ATP11B: variants seen among roughly 807,000 people sequenced by gnomAD.
ATP11B encodes the protein ATPase phospholipid transporting 11B (putative), also known as phospholipid-transporting ATPase IF.
In ATP11B, 81 loss-of-function variants were observed where a neutral mutation model predicts 157.8. That is an observed-to-expected ratio of 0.51 (90% CI 0.43 to 0.62). ATP11B has a LOEUF of 0.62. Among genes scored for constraint, ATP11B ranks in the 20% least tolerant of loss-of-function variants. The pLI is 0.00. For missense variants in ATP11B, 1,165 were observed against 1,402.2 expected (o/e 0.83, Z 2.70); for synonymous variants, 451 against 469.4 (o/e 0.96, Z 0.51).
At chr3:182,914,138 G>A in intron 29 of ATP11B, 144 bp downstream of exon 29, 1 of 1,471,030 alleles carries the variant, frequency 6.8e-7, no homozygotes, top group Non-Finnish European at 8.9e-7. Context: ...GCACTCTTTG[G>A]TGGTAGATTT....
At chr3:182,808,711 A>T (rs906946137) in intron 1 of ATP11B, among the ~76,000 whole-genome samples, 1 of 152,022 alleles carries the variant, frequency 6.6e-6, no homozygotes, top group African/African-American at 2.4e-5. Context: ...TTTTTGAGTA[A>T]TTTTTTTAAC....
chr3:182,817,116 CAG>C (rs1217775449), intron 1 of ATP11B, among the ~76,000 whole-genome samples: 3 of 152,108 alleles, frequency 2.0e-5, no homozygotes, highest in Non-Finnish European at 4.4e-5. Context: ...TAAAAAGCCT[CAG>C]AATGCATAGG....
intron 15 of ATP11B, among the ~76,000 whole-genome samples, 187 bp from the exon 16 acceptor site, chr3:182,868,891 A>G (rs1158966484): frequency 6.6e-6 from 1 of 152,126 alleles, no homozygotes; most frequent in African/African-American, 2.4e-5. Flanking sequence ...GTAATTACTC[A>G]ATGTCAGTCT....
At chr3:182,891,226 TAAG>T (rs1285746218) in intron 25 of ATP11B, among the ~76,000 whole-genome samples, 1 of 152,116 alleles carries the variant, frequency 6.6e-6, no homozygotes, top group Non-Finnish European at 1.5e-5. Flanking sequence ...GGAGGAGAGT[TAAG>T]AAGAAGGAAA....
intron 29 of ATP11B, 169 bp downstream of exon 29, chr3:182,914,163 G>C: frequency 7.0e-7 from 1 of 1,426,640 alleles, no homozygotes; most frequent in Non-Finnish European, 9.1e-7. Context: ...TTGTGGCTTT[G>C]GGGTAAGGGC....
chr3:182,858,384 A>G (rs1033574103), intron 11 of ATP11B, among the ~76,000 whole-genome samples: 1 of 152,190 alleles, frequency 6.6e-6, no homozygotes, highest in Admixed American at 6.5e-5. Flanking sequence ...TGTATTTTTA[A>G]TTTTGTCTTA....
intron 4 of ATP11B, among the ~76,000 whole-genome samples, chr3:182,830,957 A>C (rs1718089353): frequency 6.6e-6 from 1 of 152,226 alleles, no homozygotes; most frequent in Non-Finnish European, 1.5e-5. Flanking sequence ...TATTTCAACA[A>C]AGTAACATGT....
chr3:182,820,505 G>A lies in ATP11B; in HGVS notation c.144+129G>A, dbSNP rs899371994. On this transcript the variant is annotated intron_variant, in intron 2 of 29. Coordinates refer to ENST00000323116, the MANE Select transcript of ATP11B (RefSeq NM_014616.3). Reference sequence around the variant, plus strand: ...TTGCGACCAGTGTGGGCAACATAATGAGACCTTGTCTCTGCAAAAAATCAA... The same window carrying A: ...TTGCGACCAGTGTGGGCAACATAATAAGACCTTGTCTCTGCAAAAAATCAA... The A allele has an allele frequency of 4.6e-6, 3 of 648,536 alleles. No homozygotes were observed. In the Admixed American group the frequency reaches 8.0e-5, roughly 17 times the overall value. 40.2% of individuals were successfully genotyped at this position (648,536 alleles called of 1,614,324 possible). A position where few individuals can be genotyped will look rare whatever the true frequency, so the allele number is the denominator to read the frequency against.
intron 24 of ATP11B, 75 bp from the exon 25 acceptor site, chr3:182,889,332 TATC>T (rs1723015703): frequency 3.0e-6 from 3 of 1,011,046 alleles, no homozygotes; most frequent in Admixed American, 3.1e-5. Context: ...GTTTTTTAAT[TATC>T]ATATTATATT....
chr3:182,818,385 T>G (rs1273436681), intron 1 of ATP11B, among the ~76,000 whole-genome samples: 1 of 152,222 alleles, frequency 6.6e-6, no homozygotes, highest in Non-Finnish European at 1.5e-5. Flanking sequence ...AAATAAATAT[T>G]TATGCCACCA....
In ATP11B at chr3:182,866,299, T is replaced by C; in HGVS notation, c.1475T>C (p.Val492Ala). ...GAACATGATCTCTTCTTTAAAGCAG[T>C]CAGTCTCTGTCACACTGTACAGATT... ...IKEHDLFFKA[V>A]SLCHTVQISN... is the part of the protein sequence containing the mutation. Residue 492 changes from valine to alanine, a missense_variant, in exon 14 of 30, where the codon GTC becomes GCC. By Grantham distance (64) the Val-to-Ala change is moderately conservative (BLOSUM62 0). This residue lies in a region of ATP11B where 737 missense variants were observed against 930.5 expected (regional missense o/e 0.79). Coordinates refer to ENST00000323116, the MANE Select transcript of ATP11B (RefSeq NM_014616.3). The C allele has an allele frequency of 6.3e-7, 1 of 1,594,812 alleles. No individual in the cohort carries two copies. Among genetic ancestry groups the C allele is most frequent in the South Asian group, 1.1e-5 (1 of 87,908 alleles).
chr3:182,803,757 C>T (rs978444525), intron 1 of ATP11B, among the ~76,000 whole-genome samples: 4 of 152,190 alleles, frequency 2.6e-5, no homozygotes, highest in African/African-American at 9.6e-5. Flanking sequence ...CCTTCCTCCA[C>T]GAGTCTGTGT....
At chr3:182,820,412 A>T in intron 2 of ATP11B, 36 bp downstream of exon 2, 1 of 1,369,550 alleles carries the variant, frequency 7.3e-7, no homozygotes. Flanking sequence ...GGCCAGGTGC[A>T]GTGGCTCATA....
chr3:182,865,924 A>G (rs990704654), intron 13 of ATP11B, among the ~76,000 whole-genome samples: 2 of 87,602 alleles, frequency 2.3e-5, no homozygotes, highest in Admixed American at 1.1e-4. Flanking sequence ...GAGTATTTAA[A>G]TGGAACGTAG....
At position 182,866,424 on chromosome 3, in the gene ATP11B, C is replaced by T; in HGVS notation, c.1600C>T (p.Leu534=). 6 of 1,605,436 alleles carry T rather than the reference C, an allele frequency of 3.7e-6. No individual in the cohort carries two copies. Among genetic ancestry groups the T allele is most frequent in the Non-Finnish European group, 5.1e-6 (6 of 1,175,224 alleles). The change falls in exon 14 of 30, where the codon CTA becomes TTA. Residue 534 remains leucine (L), a synonymous_variant. Transcript: ENST00000323116. Reference sequence around the variant, plus strand: ...TGCATCTTCACCAGATGAAAAGGCTCTAGTAGAAGCTGCTGCAAGGTAATT... The same window carrying T: ...TGCATCTTCACCAGATGAAAAGGCTTTAGTAGAAGCTGCTGCAAGGTAATT... ...YYASSPDEKA[L]VEAAARIGIV...
intron 12 of ATP11B, among the ~76,000 whole-genome samples, chr3:182,861,496 A>G (rs1720837286): frequency 6.6e-6 from 1 of 152,238 alleles, no homozygotes; most frequent in Non-Finnish European, 1.5e-5. Context: ...GATAGGCATC[A>G]GAAGGGTTGC....
intron 10 of ATP11B, among the ~76,000 whole-genome samples, chr3:182,853,845 CA>C (rs1720169691): frequency 6.6e-6 from 1 of 151,902 alleles, no homozygotes; most frequent in Non-Finnish European, 1.5e-5. Flanking sequence ...AGATGCACAG[CA>C]AAAACAATCT....
chr3:182,883,681 C>G (rs553903583), intron 21 of ATP11B, among the ~76,000 whole-genome samples: 3 of 150,438 alleles, frequency 2.0e-5, no homozygotes, highest in Non-Finnish European at 3.0e-5. Context: ...CTAGGCCGGG[C>G]GCGGTGGCTC....
In ATP11B at chr3:182,888,757, T is replaced by C. The variant is rs114101200; in HGVS notation, c.2844-653T>C. ...GAGACAAGGTTTTGCCATGTTGCCC[T>C]GGCTGGCTTCAAACTCCTAGTCTCA... On this transcript the variant is annotated intron_variant, in intron 24 of 29. Transcript: ENST00000323116. 9.3e-3 allele frequency among the ~76,000 whole-genome samples: 1,407 copies of C among 152,060 alleles called. 23 individuals are homozygous for C. Among genetic ancestry groups the C allele is most frequent in the African/African-American group, 0.032 (1,344 of 41,520 alleles).
Sources: gnomAD v4.1 joint callset for allele counts (sites outside exome capture counted in the v4.1 genomes callset) on GRCh38, gnomAD v4.1.1 for gene constraint, gnomAD v4.1.1 regional missense constraint, MANE v1.5 for transcripts, NCBI Gene and HGNC (gene_info 2026-07-23, HGNC 2026-07-21) for gene names.